PAQR6: variants seen among roughly 807,000 people sequenced by gnomAD.
The protein encoded by PAQR6 is membrane progestin receptor delta.
A neutral mutation model predicts 36.2 loss-of-function variants in PAQR6; 34 were observed. The ratio of observed to expected loss-of-function variants is 0.94; its 90% CI spans 0.71 to 1.25. The LOEUF is 1.25. PAQR6 is among the 50% of genes most tolerant of loss of function. The pLI, the probability that PAQR6 is intolerant of heterozygous loss-of-function variation, is 0.00. For missense variants in PAQR6, 431 were observed against 445.7 expected, an observed-to-expected ratio of 0.97 and a Z score of 0.30; for synonymous variants, 190 against 190.7, an observed-to-expected ratio of 1.00 and a Z score of 0.03.
In PAQR6 at chr1:156,243,998, G is replaced by A. The variant is rs1659756665; in HGVS notation, c.*131C>T. On this transcript the variant is annotated 3_prime_UTR_variant, in exon 8 of 8. Transcript: ENST00000292291. Reference sequence around the variant, plus strand: ...TCCTCTTCTCTGCCCTCTCTCCTGTGCCCTCTCTCCTCAGCCCCTGTTGGT... The same window carrying A: ...TCCTCTTCTCTGCCCTCTCTCCTGTACCCTCTCTCCTCAGCCCCTGTTGGT... The A allele has an allele frequency of 3.1e-6, 5 of 1,613,994 alleles. No homozygotes were observed. In the African/African-American group the frequency reaches 5.3e-5, roughly 17 times the overall value.
Position 156,246,219 on chromosome 1 carries a change from T to C in PAQR6, c.83A>G (p.Tyr28Cys), listed in dbSNP as rs368684326. The stretch of plus-strand genomic sequence containing the variant: ...CAAAGCCGAGCTGGTGGGGCGGCGG[T>C]AGCCAGACATGATGCCATCTTCCCA... ...VFWEDGIMSG[Y>C]RRPTSSALDC... Residue 28 changes from tyrosine to cysteine, a missense_variant, in exon 3 of 8, where the codon TAC becomes TGC. Physicochemically the swap from Tyr to Cys is radical, Grantham distance 194. Coordinates refer to ENST00000292291, the MANE Select transcript of PAQR6 (RefSeq NM_198406.3). 3 of 1,613,562 alleles carry C rather than the reference T, an allele frequency of 1.9e-6. No homozygotes were observed. Among genetic ancestry groups the C allele is most frequent in the Non-Finnish European group, 2.5e-6 (3 of 1,179,906 alleles).
Position 156,245,217 on chromosome 1 carries a change from A to G in PAQR6, c.534T>C (p.Pro178=). 2 of 1,614,156 alleles carry G rather than the reference A, an allele frequency of 1.2e-6. No homozygotes were observed. Among genetic ancestry groups the G allele is most frequent in the Non-Finnish European group, 1.7e-6 (2 of 1,180,012 alleles). Residue 178 remains proline (P), a synonymous_variant, in exon 6 of 8, where the codon CCT becomes CCC. Coordinates refer to ENST00000292291, the MANE Select transcript of PAQR6 (RefSeq NM_198406.3). ...CYSRFLELES[P]GLSKVLRTGA... ...CTGTGCGGAGGACCTTACTGAGCCC[A>G]GGGCTTTCCAGCTCCAGGAAACTGG...
chr1:156,245,003 G>C (rs1353702815), intron 6 of PAQR6, 92 bp from the exon 7 acceptor site: 2 of 1,593,008 alleles, frequency 1.3e-6, no homozygotes, highest in Non-Finnish European at 1.7e-6. Context: ...GAGCGGGCGG[G>C]CACAGCTAGG....
At position 156,243,882 on chromosome 1, in the gene PAQR6, C is replaced by CT; in HGVS notation, c.*246dup. 6 of 1,605,668 alleles carry CT rather than the reference C, an allele frequency of 3.7e-6. No individual in the cohort carries two copies. The highest frequency in any genetic ancestry group is 5.1e-6 in the Non-Finnish European group (6 of 1,173,658). On this transcript the variant is annotated 3_prime_UTR_variant, in exon 8 of 8. Transcript: ENST00000292291. ...ATCTTCAGCCTGGACACGCATGCAT[C>CT]TCCCCTCTCAGACCCTCAGCACTTC...
intron 4 of PAQR6, 38 bp downstream of exon 4, chr1:156,245,744 A>T (rs1660326183): frequency 6.4e-7 from 1 of 1,571,150 alleles, no homozygotes; most frequent in African/African-American, 1.3e-5. Context: ...CCGCTCCGGG[A>T]CGCCCAGACC....
rs1482659120 is a variant in PAQR6 at position 156,244,861 on chromosome 1, G to A, written c.660C>T (p.Ser220=). 1 of 1,613,288 alleles carries A rather than the reference G, an allele frequency of 6.2e-7. No individual in the cohort carries two copies. Among genetic ancestry groups the A allele is most frequent in the Admixed American group, 1.7e-5 (1 of 60,026 alleles). The change falls in exon 7 of 8, where the codon AGC becomes AGT. Residue 220 remains serine (S), a synonymous_variant. Transcript: ENST00000292291. ...AGAAGAGATGGTAGCCATGGCTGGT[G>A]CTCAGGGCCTCCTGCCCACAGCCGT... The part of the protein sequence containing the change: ...RGHGCGQEAL[S]TSHGYHLFCA...
chr1:156,245,287 G>A (rs201488334), intron 5 of PAQR6, 49 bp from the exon 6 acceptor site: 13 of 1,551,248 alleles, frequency 8.4e-6, no homozygotes, highest in East Asian at 2.2e-5. Context: ...GCTTGGGGTA[G>A]GGGTCAGAGA....
intron 5 of PAQR6, 44 bp downstream of exon 5, chr1:156,245,491 G>C: frequency 6.2e-7 from 1 of 1,607,044 alleles, no homozygotes; most frequent in Non-Finnish European, 8.5e-7. Flanking sequence ...CCTCTCCTGT[G>C]CCTCCGCCTT....
rs893892631 is a variant in PAQR6, at chr1:156,243,818, A to G, written c.*311T>C. On this transcript the variant is annotated 3_prime_UTR_variant, in exon 8 of 8. Coordinates refer to ENST00000292291, the MANE Select transcript of PAQR6 (RefSeq NM_198406.3). ...AAACGGAGCCAGATGAAAGGACCCC[A>G]ACACCTCCCCCCGCCAACCTTTGAC... is the stretch of plus-strand genomic sequence containing the variant. The G allele has an allele frequency of 1.3e-6, 2 of 1,535,996 alleles. No homozygotes were observed. The highest frequency in any genetic ancestry group is 2.7e-5 in the African/African-American group (2 of 72,886).
chr1:156,246,861 GGCAC>G, intron 1 of PAQR6, 105 bp from the exon 2 acceptor site: 2 of 940,948 alleles, frequency 2.1e-6, no homozygotes, highest in Non-Finnish European at 3.2e-6. Context: ...GGAGGCAGAT[GGCAC>G]CCTCCCTCCT....
chr1:156,245,930 C>G lies in PAQR6; in HGVS notation c.237G>C (p.Pro79=). Residue 79 remains proline, a synonymous_variant, in exon 4 of 8, where the codon CCG becomes CCC. Coordinates refer to ENST00000292291, the MANE Select transcript of PAQR6 (RefSeq NM_198406.3). ...GGAAGACCAGCAGCGGCCAGTGGTA[C>G]GGCTCCGCACGGAAGCCGGGGCCGC... ...LAGGPGFRAE[P]YHWPLLVFLL... is the part of the protein sequence containing the mutation. 1 of 1,546,514 alleles carries G rather than the reference C, an allele frequency of 6.5e-7. No homozygotes were observed. The highest frequency in any genetic ancestry group is 1.2e-5 in the South Asian group (1 of 84,026).
In PAQR6 at chr1:156,244,921, GA is replaced by G; in HGVS notation, c.610-11del. 1 of 1,610,914 alleles carries G rather than the reference GA, an allele frequency of 6.2e-7. No individual in the cohort carries two copies. Among genetic ancestry groups the G allele is most frequent in the Non-Finnish European group, 8.5e-7 (1 of 1,179,048 alleles). On this transcript the variant is annotated splice_polypyrimidine_tract_variant and intron_variant, in intron 6 of 7. Coordinates refer to ENST00000292291, the MANE Select transcript of PAQR6 (RefSeq NM_198406.3). ...CCCAGCACAGCCCGAGCTGTCAAAG[GA>G]AAACCAAGGCTGCTGGGGAGGGACT...
In PAQR6 at chr1:156,245,627, C is replaced by T. The variant is rs1572539590; in HGVS notation, c.420G>A (p.Pro140=). ...CAFPYAAYSM[P]ASWLHGHLHQ... is the part of the protein sequence containing the mutation. ...GCAGGTGGCCGTGCAGCCAGGAGGC[C>T]GGCATGGAGTAGGCGGCATAGGGGA... Residue 140 remains proline, a synonymous_variant, in exon 5 of 8, where the codon CCG becomes CCA. Coordinates refer to ENST00000292291, the MANE Select transcript of PAQR6 (RefSeq NM_198406.3). The T allele has an allele frequency of 6.2e-7, 1 of 1,613,218 alleles. No individual in the cohort carries two copies. Among genetic ancestry groups the T allele is most frequent in the East Asian group, 2.2e-5 (1 of 44,842 alleles).
chr1:156,243,691 T>C lies in PAQR6; in HGVS notation c.*438A>G. 2 of 830,922 alleles carry C rather than the reference T, an allele frequency of 2.4e-6. No individual in the cohort carries two copies. 51.5% of individuals were successfully genotyped at this position (830,922 alleles called of 1,614,324 possible). On this transcript the variant is annotated 3_prime_UTR_variant, in exon 8 of 8. Transcript: ENST00000292291. Reference sequence around the variant, plus strand: ...TGGTTTGTGGGGATGGGGGGGCAAGTGTGTGGCCTCTCGGCCTGGTTAGCA... The same window carrying C: ...TGGTTTGTGGGGATGGGGGGGCAAGCGTGTGGCCTCTCGGCCTGGTTAGCA...
rs375118362 is a variant in PAQR6, at chr1:156,245,741, G to A, written c.385+41C>T. The stretch of plus-strand genomic sequence containing the variant: ...CGCGTCCCACCCCTCGCCCCGCTCC[G>A]GGACGCCCAGACCCCGCGCTCCCGC... On this transcript the variant is annotated intron_variant, in intron 4 of 7. Transcript: ENST00000292291. 11 of 1,570,544 alleles carry A rather than the reference G, an allele frequency of 7.0e-6. No individual in the cohort carries two copies. The Admixed American group carries it at 7.5e-5, about 11-fold the overall frequency.
chr1:156,245,795 G>A lies in PAQR6; in HGVS notation c.372C>T (p.Ser124=), dbSNP rs1295445629. 1 of 1,599,896 alleles carries A rather than the reference G, an allele frequency of 6.3e-7. No homozygotes were observed. The highest frequency in any genetic ancestry group is 1.3e-5 in the African/African-American group (1 of 74,942). The change falls in exon 4 of 8, where the codon AGC becomes AGT. Residue 124 remains serine (S), a synonymous_variant. Coordinates refer to ENST00000292291, the MANE Select transcript of PAQR6 (RefSeq NM_198406.3). ...TGTCCGGCTCACCCAGACTGTAGAGGCTGAGCGCGCCGTAGTCGAGGAAGT... is the reference window on the plus strand; with the variant it reads ...TGTCCGGCTCACCCAGACTGTAGAGACTGAGCGCGCCGTAGTCGAGGAAGT... ...ICYFLDYGAL[S]LYSLGCAFPY... is the part of the protein sequence containing the mutation.
chr1:156,246,414 C>T (rs915658672), intron 2 of PAQR6, among the ~76,000 whole-genome samples, 164 bp from the exon 3 acceptor site: 3 of 152,134 alleles, frequency 2.0e-5, no homozygotes, highest in Non-Finnish European at 4.4e-5. Flanking sequence ...TACCCACAAC[C>T]CACAAAACAA....
chr1:156,245,959 C>T lies in PAQR6; in HGVS notation c.208G>A (p.Ala70Thr). The change falls in exon 4 of 8, where the codon GCG becomes ACG. Residue 70 changes from alanine (A) to threonine (T), a missense_variant. Coordinates refer to ENST00000292291, the MANE Select transcript of PAQR6 (RefSeq NM_198406.3). ...WYFLWRLLALAGGPGFRAEPY... is the reference protein window; with the variant it reads ...WYFLWRLLALTGGPGFRAEPY... ...TCCGCACGGAAGCCGGGGCCGCCCG[C>T]CAGCGCCAGGAGCCGCCACAGGAAG... 1.3e-6 allele frequency: 2 copies of T among 1,544,344 alleles called. No individual in the cohort carries two copies. Among genetic ancestry groups the T allele is most frequent in the Admixed American group, 2.0e-5 (1 of 50,702 alleles).
Position 156,243,577 on chromosome 1 carries a change from C to T in PAQR6, c.*552G>A. 6.1e-6 allele frequency: 3 copies of T among 491,964 alleles called. No individual in the cohort carries two copies. Among genetic ancestry groups the T allele is most frequent in the Non-Finnish European group, 1.1e-5 (3 of 280,952 alleles). 30.5% of individuals were successfully genotyped at this position (491,964 alleles called of 1,614,324 possible). On this transcript the variant is annotated 3_prime_UTR_variant, in exon 8 of 8. Transcript: ENST00000292291. Reference sequence around the variant, plus strand: ...CATAATGCACCCAGATAGGCCCACCCCCAAAAGCCTGGACACCTTGAGCAC... The same window carrying T: ...CATAATGCACCCAGATAGGCCCACCTCCAAAAGCCTGGACACCTTGAGCAC...
Sources: gnomAD v4.1 joint callset for allele counts (sites outside exome capture counted in the v4.1 genomes callset) on GRCh38, gnomAD v4.1.1 for gene constraint, MANE v1.5 for transcripts, NCBI Gene and HGNC (gene_info 2026-07-23, HGNC 2026-07-21) for gene names.